Variants in CCN4 observed in about 807,000 individuals in gnomAD.
The protein encoded by CCN4 is CCN family member 4.
CCN4 carries 30 observed loss-of-function variants against 36.7 expected under a neutral mutation model. The ratio of observed to expected loss-of-function variants is 0.82; its 90% confidence interval spans 0.61 to 1.11. CCN4 has a LOEUF of 1.11. Ranked by LOEUF, CCN4 falls within the 50% of genes least tolerant of loss-of-function variation. The pLI is 0.00. For missense variants in CCN4, 505 were observed against 504.9 expected, an observed-to-expected ratio of 1.00 and a Z score of 0.00; for synonymous variants, 191 against 195.4, an observed-to-expected ratio of 0.98 and a Z score of 0.19.
In CCN4 at chr8:133,230,383, T is replaced by C. The variant is rs990573778; in HGVS notation, c.*2673T>C. On this transcript the variant is annotated 3_prime_UTR_variant, in exon 5 of 5. Coordinates refer to ENST00000250160, the MANE Select transcript of CCN4 (RefSeq NM_003882.4). ...AGTGTTTACTTGGTGCCAAGCACTA[T>C]GCTAAGTTGTTCATTATTTTATTTA... 6.6e-6 allele frequency: 1 copy of C among 152,274 alleles called. No homozygotes were observed. Among genetic ancestry groups the C allele is most frequent in the Admixed American group, 6.5e-5 (1 of 15,290 alleles). 9.4% of individuals were successfully genotyped at this position (152,274 alleles called of 1,614,324 possible).
intron 3 of CCN4, among the ~76,000 whole-genome samples, chr8:133,224,446 G>C (rs997643601): frequency 6.6e-6 from 1 of 151,610 alleles, no homozygotes; most frequent in African/African-American, 2.4e-5. Context: ...CAACATGTTA[G>C]CTAGGCTAGT....
At chr8:133,216,412 T>G (rs1424386097) in intron 2 of CCN4, among the ~76,000 whole-genome samples, 1 of 152,148 alleles carries the variant, frequency 6.6e-6, no homozygotes, top group Non-Finnish European at 1.5e-5. Flanking sequence ...AAGCCCTGGC[T>G]TTCAGAGATG....
intron 1 of CCN4, among the ~76,000 whole-genome samples, chr8:133,207,384 C>T (rs1304923824): frequency 6.6e-6 from 1 of 152,208 alleles, no homozygotes; most frequent in African/African-American, 2.4e-5. Context: ...CAGCTATGTC[C>T]CAGGATCCCA....
At chr8:133,198,778 C>A (rs920889677) in intron 1 of CCN4, among the ~76,000 whole-genome samples, 1 of 152,160 alleles carries the variant, frequency 6.6e-6, no homozygotes, top group Non-Finnish European at 1.5e-5. Flanking sequence ...TGTGTTTGAG[C>A]CACCCTCCCT....
intron 1 of CCN4, among the ~76,000 whole-genome samples, chr8:133,199,957 G>A (rs973058539): frequency 3.5e-4 from 53 of 152,154 alleles, no homozygotes; most frequent in African/African-American, 1.2e-3. Flanking sequence ...CTGAGGCGCC[G>A]AGAGTTTTAC....
At position 133,220,782 on chromosome 8, in the gene CCN4, T is replaced by TA; in HGVS notation, c.552dup (p.Cys185MetfsTer2). ...CCTGGCCACTGCTGTGAGCAGTGGG[T>TA]ATGTGAGGACGACGCCAAGAGGCCA... On this transcript the variant is annotated frameshift_variant, in exon 3 of 5. Transcript: ENST00000250160. LOFTEE classifies it high-confidence loss of function. The TA allele has an allele frequency of 6.2e-7, 1 of 1,612,152 alleles. No individual in the cohort carries two copies. Among genetic ancestry groups the TA allele is most frequent in the Non-Finnish European group, 8.5e-7 (1 of 1,179,294 alleles).
chr8:133,206,220 A>G (rs1853766208), intron 1 of CCN4, among the ~76,000 whole-genome samples: 1 of 152,182 alleles, frequency 6.6e-6, no homozygotes, highest in East Asian at 1.9e-4. Flanking sequence ...ACCCCCAGAA[A>G]GGCCCCAGAC....
chr8:133,194,361 TGGG>T (rs1853237060), intron 1 of CCN4, among the ~76,000 whole-genome samples: 1 of 22,814 alleles, frequency 4.4e-5, no homozygotes. Flanking sequence ...TGGTGGTGTG[TGGG>T]GGTGTGTGTG....
chr8:133,208,630 T>G (rs1853869930), intron 1 of CCN4, among the ~76,000 whole-genome samples: 1 of 152,170 alleles, frequency 6.6e-6, no homozygotes, highest in African/African-American at 2.4e-5. Context: ...CCCTGGCACA[T>G]GTTGCCAGCT....
At chr8:133,202,303 C>T (rs1339625029) in intron 1 of CCN4, among the ~76,000 whole-genome samples, 3 of 152,224 alleles carry the variant, frequency 2.0e-5, no homozygotes, top group Non-Finnish European at 2.9e-5. Flanking sequence ...CATGAGCCAT[C>T]TATGGCTCTT....
chr8:133,194,908 TGA>T (rs1396658132), intron 1 of CCN4, among the ~76,000 whole-genome samples: 2 of 137,108 alleles, frequency 1.5e-5, no homozygotes, highest in Admixed American at 1.4e-4. Flanking sequence ...GTGTGTGTAC[TGA>T]GTGTGTATAT....
At chr8:133,207,718 C>T (rs1338312009) in intron 1 of CCN4, among the ~76,000 whole-genome samples, 3 of 152,172 alleles carry the variant, frequency 2.0e-5, no homozygotes, top group Non-Finnish European at 4.4e-5. Flanking sequence ...AATGAGCCCT[C>T]ACTCAGATCT....
chr8:133,207,091 GCT>G (rs1361701066), intron 1 of CCN4, among the ~76,000 whole-genome samples: 1 of 152,216 alleles, frequency 6.6e-6, no homozygotes, highest in African/African-American at 2.4e-5. Context: ...GCCGTTCCCT[GCT>G]CATGCAGGGA....
At chr8:133,207,189 C>T (rs1263572678) in intron 1 of CCN4, among the ~76,000 whole-genome samples, 1 of 152,270 alleles carries the variant, frequency 6.6e-6, no homozygotes, top group Non-Finnish European at 1.5e-5. Flanking sequence ...GAGGCCCCTC[C>T]CAACCCTCAC....
intron 3 of CCN4, among the ~76,000 whole-genome samples, chr8:133,224,273 C>T (rs1177840786): frequency 2.2e-5 from 2 of 90,804 alleles, no homozygotes; most frequent in Admixed American, 1.8e-4. Flanking sequence ...CAGAATCCTG[C>T]TTTTTAGACC....
intron 2 of CCN4, among the ~76,000 whole-genome samples, chr8:133,218,331 G>A (rs1564263740): frequency 6.6e-6 from 1 of 152,034 alleles, no homozygotes; most frequent in Non-Finnish European, 1.5e-5. Flanking sequence ...TGCACCTCCT[G>A]CACGGATAAC....
At chr8:133,202,215 G>A (rs563899058) in intron 1 of CCN4, among the ~76,000 whole-genome samples, 2 of 152,324 alleles carry the variant, frequency 1.3e-5, no homozygotes, top group African/African-American at 4.8e-5. Flanking sequence ...AGTAGCTCCC[G>A]ATGAAAAGAC....
At position 133,227,018 on chromosome 8, in the gene CCN4, C is replaced by A. The variant is rs531628857; in HGVS notation, c.805-393C>A. 4.6e-5 allele frequency among the ~76,000 whole-genome samples: 7 copies of A among 152,266 alleles called. No homozygotes were observed. The East Asian group carries it at 1.4e-3, about 29-fold the overall frequency. ...AGGGGCGGTTAGGGCAAAGCGTGTC[C>A]CCTGAGTGTGGAGTCCCGATGCCAG... On this transcript the variant is annotated intron_variant, in intron 4 of 4. Transcript: ENST00000250160.
Position 133,213,117 on chromosome 8 carries a change from C to T in CCN4, c.323C>T (p.Pro108Leu), listed in dbSNP as rs534847873. Reference protein sequence around the residue: ...GLYCDYSGDRPRYAIGVCAQV... With the variant: ...GLYCDYSGDRLRYAIGVCAQV... ...TACTGTGACTACAGCGGGGACCGCC[C>T]GAGGTACGCAATAGGAGTGTGTGCA... Residue 108 changes from proline to leucine, a missense_variant, in exon 2 of 5, where the codon CCG becomes CTG. Transcript: ENST00000250160. 1.4e-5 allele frequency: 22 copies of T among 1,612,296 alleles called. No homozygotes were observed. The highest frequency in any genetic ancestry group is 6.7e-5 in the Admixed American group (4 of 59,894).
Sources: gnomAD v4.1 joint callset for allele counts (sites outside exome capture counted in the v4.1 genomes callset) on GRCh38, gnomAD v4.1.1 for gene constraint, MANE v1.5 for transcripts, NCBI Gene and HGNC (gene_info 2026-07-23, HGNC 2026-07-21) for gene names.